Variants in CASP1 observed in about 807,000 individuals in gnomAD.
CASP1 encodes the protein caspase-1.
CASP1 carries 31 observed loss-of-function variants against 41.2 expected under a neutral mutation model. The observed-to-expected ratio is 0.75, with a 90% confidence interval of 0.57 to 1.02. The LOEUF (loss-of-function observed/expected upper bound fraction) is 1.02, where lower values mean the gene tolerates loss of function less well. Ranked by LOEUF, CASP1 falls within the 50% of genes least tolerant of loss-of-function variation. The pLI, the probability that CASP1 is intolerant of heterozygous loss-of-function variation, is 0.00. For synonymous variants in CASP1, 163 were observed against 166.5 expected (o/e 0.98, Z 0.16); for missense variants, 490 against 495.7 (o/e 0.99, Z 0.11).
upstream of CASP1, among the ~76,000 whole-genome samples, chr11:105,035,831 G>A (rs1863994906): frequency 6.6e-6 from 1 of 151,842 alleles, no homozygotes; most frequent in Non-Finnish European, 1.5e-5. Flanking sequence ...TCCTAGGCTT[G>A]TCTTCAGCTC....
In CASP1 at chr11:105,035,115, G is replaced by A. The variant is rs1863949201; in HGVS notation, c.-2C>T. ...AACAGTAAAAGACTCACCGGCCATG[G>A]CTTTTCTCTCCTCCCTTCTTGTGTG... On this transcript the variant is annotated 5_prime_UTR_variant, in exon 1 of 9. Transcript: ENST00000533400. 1 of 1,613,578 alleles carries A rather than the reference G, an allele frequency of 6.2e-7. No individual in the cohort carries two copies. The highest frequency in any genetic ancestry group is 1.3e-5 in the African/African-American group (1 of 74,914).
At position 105,031,174 on chromosome 11, in the gene CASP1, C is replaced by T. The variant is rs367873337; in HGVS notation, c.444G>A (p.Lys148=). ...GTTCTGAGCATGGCACCTCTGCCGA[C>T]TTTTGTTTCCATATCCTTTGAGCTT... is the stretch of plus-strand genomic sequence containing the variant. ...LEEAQRIWKQ[K]SAEIYPIMDK... The change falls in exon 4 of 9, where the codon AAG becomes AAA. Residue 148 remains lysine, a synonymous_variant. Transcript: ENST00000533400. 1 of 1,606,526 alleles carries T rather than the reference C, an allele frequency of 6.2e-7. No homozygotes were observed. Among genetic ancestry groups the T allele is most frequent in the Non-Finnish European group, 8.5e-7 (1 of 1,173,510 alleles).
chr11:105,030,066 T>A (rs1215442123), intron 5 of CASP1, among the ~76,000 whole-genome samples, 167 bp from the exon 6 acceptor site: 1 of 152,138 alleles, frequency 6.6e-6, no homozygotes, highest in African/African-American at 2.4e-5. Flanking sequence ...AGGAAAGTGT[T>A]ATAGGAAGTC....
intron 7 of CASP1, 161 bp from the exon 8 acceptor site, chr11:105,027,112 GA>G: frequency 3.0e-6 from 2 of 672,328 alleles, no homozygotes; most frequent in Admixed American, 2.3e-5. Flanking sequence ...TTGGGATTTG[GA>G]AATGAAATAT....
At chr11:105,033,719 G>A (rs141435195) in intron 2 of CASP1, among the ~76,000 whole-genome samples, 205 of 152,322 alleles carry the variant, frequency 1.3e-3, no homozygotes, top group African/African-American at 4.9e-3. Context: ...TACGTTCAAT[G>A]TGTTCTCTGA....
chr11:105,035,247 A>G (rs190709302), upstream of CASP1: 176 of 1,237,090 alleles, frequency 1.4e-4, no homozygotes, highest in African/African-American at 2.2e-3. Context: ...TCTTCCCATT[A>G]AAGAATCAGA....
chr11:105,031,094 G>T, intron 4 of CASP1, 71 bp downstream of exon 4: 1 of 836,870 alleles, frequency 1.2e-6, no homozygotes. Flanking sequence ...CTAAGAATAA[G>T]CCACTGCATT....
Position 105,030,360 on chromosome 11 carries a change from G to A in CASP1, c.597C>T (p.Ser199=), listed in dbSNP as rs752394637. 1.9e-5 allele frequency: 31 copies of A among 1,613,034 alleles called. No homozygotes were observed. The highest frequency in any genetic ancestry group is 1.3e-4 in the Admixed American group (8 of 59,884). The change falls in exon 5 of 9, where the codon AGC becomes AGT. Residue 199 remains serine, a synonymous_variant. Transcript: ENST00000533400. The part of the protein sequence containing the change: ...MTMLLQNLGY[S]VDVKKNLTAS... ...CAGTGAGATTTTTTTTCACATCTAC[G>A]CTGTACCCCAGATTTTGTAGCAGCA...
Position 105,029,130 on chromosome 11 carries a change from T to G in CASP1, c.1000A>C (p.Thr334Pro). The stretch of plus-strand genomic sequence containing the variant: ...CTGTGTAGAAACCTGTTACCTGGTG[T>G]GGAAGAGCAGAAAGCGATAAAATCC... ...EKDFIAFCSS[T>P]PDNVSWRHPT... The change falls in exon 7 of 9, where the codon ACA becomes CCA. Residue 334 changes from threonine (T) to proline (P), a missense_variant. By Grantham distance (38) the Thr-to-Pro change is conservative (BLOSUM62 -1). Transcript: ENST00000533400. 1 of 1,612,840 alleles carries G rather than the reference T, an allele frequency of 6.2e-7. No individual in the cohort carries two copies. The highest frequency in any genetic ancestry group is 8.5e-7 in the Non-Finnish European group (1 of 1,179,312).
upstream of CASP1, among the ~76,000 whole-genome samples, chr11:105,035,616 C>CTTTTTTTTTTTTTTTTTTTTT (rs770202897): frequency 6.1e-4 from 32 of 52,036 alleles, no homozygotes; most frequent in Admixed American, 9.8e-4. Flanking sequence ...TTTTTTCTTT[C>CTTTTTTTTTTTTTTTTTTTTT]TGTTTTTTTT....
At position 105,025,617 on chromosome 11, in the gene CASP1, T is replaced by C. The variant is rs1300620089; in HGVS notation, c.*641A>G. The stretch of plus-strand genomic sequence containing the variant: ...CTTCACTTCCTATGAGAAAAAGAAA[T>C]AATTAAAAAAAAAAACATAGGAAAG... On this transcript the variant is annotated 3_prime_UTR_variant, in exon 9 of 9. Coordinates refer to ENST00000533400, the MANE Select transcript of CASP1 (RefSeq NM_001257118.3). The C allele has an allele frequency of 1.6e-5, 6 of 384,598 alleles. No homozygotes were observed. The highest frequency in any genetic ancestry group is 3.9e-5 in the South Asian group (2 of 51,046). The allele number at this position is 384,598 out of a possible 1,614,324, so 23.8% of individuals were successfully genotyped here.
chr11:105,036,437 C>G (rs558315), upstream of CASP1, among the ~76,000 whole-genome samples: 26,548 of 152,066 alleles, frequency 0.17, 2,506 homozygotes, highest in Admixed American at 0.25. Context: ...CTACTCAAAT[C>G]TCACCTTGAA....
Position 105,025,914 on chromosome 11 carries a change from C to T in CASP1, c.*344G>A, listed in dbSNP as rs1863248566. ...TTACTTCAGTATTTTCTGTATATGG[C>T]TTGATTATCCCTTATCCAAAATGCA... On this transcript the variant is annotated 3_prime_UTR_variant, in exon 9 of 9. Transcript: ENST00000533400. 1 of 225,464 alleles carries T rather than the reference C, an allele frequency of 4.4e-6. No homozygotes were observed. The highest frequency in any genetic ancestry group is 8.9e-6 in the Non-Finnish European group (1 of 112,448). The allele number at this position is 225,464 out of a possible 1,614,324, so 14.0% of individuals were successfully genotyped here.
At chr11:105,026,483 C>T in intron 8 of CASP1, 127 bp from the exon 9 acceptor site, 1 of 645,986 alleles carries the variant, frequency 1.5e-6, no homozygotes, top group South Asian at 1.8e-5. Flanking sequence ...AAAGTACTTC[C>T]ATCTGCAACA....
At chr11:105,035,275 G>T, upstream of CASP1, 1 of 981,238 alleles carries the variant, frequency 1.0e-6, no homozygotes, top group Non-Finnish European at 1.6e-6. Context: ...CCTGCATCAG[G>T]TAGTGTATCC....
chr11:105,030,950 C>T (rs1401840120), intron 4 of CASP1: 1 of 505,752 alleles, frequency 2.0e-6, no homozygotes. Context: ...TAGCTGTCAT[C>T]ACTGATGTTA....
In CASP1 at chr11:105,034,385, T is replaced by C; in HGVS notation, c.97A>G (p.Arg33Gly). The change falls in exon 2 of 9, where the codon AGG (arginine) becomes GGG (glycine). Residue 33 changes from arginine (R) to glycine (G), a missense_variant. By Grantham distance (125) the Arg-to-Gly change is moderately radical. Transcript: ENST00000533400. ...NGLLDELLQT[R>G]VLNKEEMEKV... Reference sequence around the variant, plus strand: ...TCCATCTCTTCCTTGTTCAGCACCCTTGTCTGTAATAATTCATCCAGTAAG... The same window carrying C: ...TCCATCTCTTCCTTGTTCAGCACCCCTGTCTGTAATAATTCATCCAGTAAG... 2 of 1,614,190 alleles carry C rather than the reference T, an allele frequency of 1.2e-6. No individual in the cohort carries two copies. Among genetic ancestry groups the C allele is most frequent in the Non-Finnish European group, 1.7e-6 (2 of 1,180,014 alleles).
intron 2 of CASP1, 41 bp from the exon 3 acceptor site, chr11:105,033,167 C>T (rs1340196122): frequency 8.2e-7 from 1 of 1,226,720 alleles, no homozygotes; most frequent in Admixed American, 1.9e-5. Flanking sequence ...CACTTATCAT[C>T]TCTGGAAAAC....
upstream of CASP1, among the ~76,000 whole-genome samples, chr11:105,035,618 G>GTTTT (rs56746743): frequency 7.7e-5 from 8 of 103,428 alleles, 1 homozygote; most frequent in East Asian, 6.8e-4. Context: ...TTTTCTTTCT[G>GTTTT]TTTTTTTTTT....
Sources: allele counts gnomAD v4.1 joint callset (sites outside exome capture counted in the v4.1 genomes callset), GRCh38; gene constraint gnomAD v4.1.1; transcripts MANE v1.5; gene names NCBI Gene and HGNC (gene_info 2026-07-23, HGNC 2026-07-21).